PIK3C2G: variants seen among roughly 807,000 people sequenced by gnomAD.
PIK3C2G encodes phosphatidylinositol 3-kinase C2 domain-containing subunit gamma.
In PIK3C2G, 168 loss-of-function variants were observed where a neutral mutation model predicts 181.1. The ratio of observed to expected loss-of-function variants is 0.93; its 90% confidence interval spans 0.82 to 1.05. The LOEUF is 1.05. Ranked by LOEUF, PIK3C2G falls within the 50% of genes least tolerant of loss-of-function variation. The pLI, the probability that PIK3C2G is intolerant of heterozygous loss-of-function variation, is 0.00. For missense variants in PIK3C2G, 1,869 were observed against 1,732.8 expected, an observed-to-expected ratio of 1.08 and a Z score of -1.40; for synonymous variants, 573 against 592.2, an observed-to-expected ratio of 0.97 and a Z score of 0.47.
the PIK3C2G span, among the ~76,000 whole-genome samples, chr12:18,722,906 A>G: frequency 6.6e-6 from 1 of 152,000 alleles, no homozygotes. Context: ...TAATTTTCAT[A>G]GATATTTTCA....
chr12:18,338,615 A>AAATAT, intron 9 of PIK3C2G, 67 bp downstream of exon 9: 1 of 1,067,562 alleles, frequency 9.4e-7, no homozygotes, highest in Non-Finnish European at 1.4e-6. Context: ...AGGAGAGTGA[A>AAATAT]AGACTTTTTA....
intron 1 of PIK3C2G, among the ~76,000 whole-genome samples, chr12:18,250,929 C>A (rs1201448274): frequency 1.3e-5 from 2 of 151,760 alleles, no homozygotes; most frequent in Non-Finnish European, 2.9e-5. Context: ...AGATAATTAA[C>A]TATAGAAATT....
At chr12:18,640,671 T>C (rs1565590562) in intron 32 of PIK3C2G, 117 bp downstream of exon 32, 1 of 961,258 alleles carries the variant, frequency 1.0e-6, no homozygotes, top group Admixed American at 2.5e-5. Context: ...AAAGGAAAGA[T>C]ATTTTCCAAA....
chr12:18,661,523 T>C, the PIK3C2G span, among the ~76,000 whole-genome samples: 1 of 152,024 alleles, frequency 6.6e-6, no homozygotes, highest in African/African-American at 2.4e-5. Context: ...CCTTCATAAA[T>C]AAGGGATAAA....
intron 29 of PIK3C2G, among the ~76,000 whole-genome samples, chr12:18,581,692 A>C (rs576303780): frequency 6.6e-6 from 1 of 152,336 alleles, no homozygotes; most frequent in South Asian, 2.1e-4. Context: ...CAGAGACGTC[A>C]AGTAGGAAGG....
chr12:18,318,204 A>G (rs142269849), intron 6 of PIK3C2G, among the ~76,000 whole-genome samples: 1 of 152,292 alleles, frequency 6.6e-6, no homozygotes, highest in Non-Finnish European at 1.5e-5. Context: ...AAGCTTTCAT[A>G]CTCATAGAGC....
chr12:18,346,877 C>T, intron 11 of PIK3C2G, 41 bp downstream of exon 11: 3 of 1,346,684 alleles, frequency 2.2e-6, no homozygotes, highest in Non-Finnish European at 3.1e-6. Context: ...TTCATTTTTA[C>T]ATAGCTTCTA....
chr12:18,482,392 C>T (rs889937086), intron 18 of PIK3C2G, among the ~76,000 whole-genome samples: 10 of 152,088 alleles, frequency 6.6e-5, no homozygotes, highest in African/African-American at 9.7e-5. Flanking sequence ...ACTGTGGGTT[C>T]ACGGTCAAAG....
chr12:18,389,717 G>T (rs949399716), intron 14 of PIK3C2G, among the ~76,000 whole-genome samples: 2 of 152,028 alleles, frequency 1.3e-5, no homozygotes, highest in Non-Finnish European at 2.9e-5. Flanking sequence ...AGAATCAGTA[G>T]CTATTTAGCC....
intron 21 of PIK3C2G, 30 bp from the exon 22 acceptor site, chr12:18,497,589 A>C (rs1366566124): frequency 6.3e-7 from 1 of 1,588,640 alleles, no homozygotes; most frequent in South Asian, 1.1e-5. Context: ...TCAAGGAAAA[A>C]CCCAGGGTCT....
chr12:18,411,489 A>T (rs201029029), intron 16 of PIK3C2G, among the ~76,000 whole-genome samples: 7 of 43,592 alleles, frequency 1.6e-4, no homozygotes, highest in South Asian at 1.7e-3. Context: ...CAATCATCTT[A>T]AAAAAATCCT....
At chr12:18,552,520 A>T (rs1944788236) in intron 26 of PIK3C2G, among the ~76,000 whole-genome samples, 1 of 152,132 alleles carries the variant, frequency 6.6e-6, no homozygotes, top group Non-Finnish European at 1.5e-5. Context: ...AAGGGGAGAT[A>T]GGGACACAGA....
chr12:18,405,766 T>C (rs771887421), intron 16 of PIK3C2G, among the ~76,000 whole-genome samples: 1 of 152,182 alleles, frequency 6.6e-6, no homozygotes, highest in Non-Finnish European at 1.5e-5. Context: ...TTAATTGACA[T>C]AATAATTGTA....
At chr12:18,696,167 T>C in the PIK3C2G span, 1 of 1,555,238 alleles carries the variant, frequency 6.4e-7, no homozygotes, top group East Asian at 2.3e-5. Context: ...ACAACCTATA[T>C]TCCAAAATTC....
chr12:18,445,854 T>A (rs1565731226), intron 18 of PIK3C2G, among the ~76,000 whole-genome samples: 1 of 152,186 alleles, frequency 6.6e-6, no homozygotes, highest in Non-Finnish European at 1.5e-5. Context: ...AAGAAATATT[T>A]ATTTACTTAC....
intron 16 of PIK3C2G, among the ~76,000 whole-genome samples, chr12:18,405,300 T>C (rs2135588582): frequency 6.6e-6 from 1 of 152,296 alleles, no homozygotes; most frequent in East Asian, 1.9e-4. Context: ...TAGTTGAAGC[T>C]ACGGAAGTAG....
intron 25 of PIK3C2G, 53 bp from the exon 26 acceptor site, chr12:18,546,270 A>G (rs1944416893): frequency 1.5e-5 from 16 of 1,046,098 alleles, no homozygotes; most frequent in Non-Finnish European, 2.2e-5. Flanking sequence ...GCTTGATTGT[A>G]TCTGCATTTA....
At chr12:18,506,329 C>T (rs1318218305) in intron 24 of PIK3C2G, among the ~76,000 whole-genome samples, 1 of 152,012 alleles carries the variant, frequency 6.6e-6, no homozygotes, top group African/African-American at 2.4e-5. Context: ...GCACAGAGGG[C>T]ATATAGAGTG....
chr12:18,381,645 C>T (rs1942841336), intron 13 of PIK3C2G, 121 bp from the exon 14 acceptor site: 1 of 593,144 alleles, frequency 1.7e-6, no homozygotes. Flanking sequence ...TTTCTAGCAA[C>T]TGAATAAAGC....
Sources: allele counts gnomAD v4.1 joint callset (sites outside exome capture counted in the v4.1 genomes callset), GRCh38; gene constraint gnomAD v4.1.1; transcripts MANE v1.5; gene names NCBI Gene and HGNC (gene_info 2026-07-23, HGNC 2026-07-21).